Variants in CTPS1 observed in about 807,000 individuals in gnomAD.
The protein encoded by CTPS1 is CTP synthase 1.
In CTPS1, 25 loss-of-function variants were observed where a neutral mutation model predicts 80.5. The ratio of observed to expected loss-of-function variants is 0.31; its 90% CI spans 0.23 to 0.43. The LOEUF (loss-of-function observed/expected upper bound fraction) is 0.43. CTPS1 is among the 20% of genes least tolerant of loss of function. The probability of loss-of-function intolerance (pLI) is 1.00; values close to 1 mark genes in which losing one functional copy is unlikely to be tolerated. For synonymous variants in CTPS1, 267 were observed against 252.5 expected, an observed-to-expected ratio of 1.06 and a Z score of -0.54; for missense variants, 442 against 725.7, an observed-to-expected ratio of 0.61 and a Z score of 4.49.
chr1:40,981,647 C>G (rs1642299893), intron 1 of CTPS1, among the ~76,000 whole-genome samples: 1 of 152,164 alleles, frequency 6.6e-6, no homozygotes, highest in Non-Finnish European at 1.5e-5. Context: ...AGTTTACTTG[C>G]TAAACACTCC....
chr1:40,983,553 C>T, intron 2 of CTPS1, 97 bp downstream of exon 2: 1 of 1,005,840 alleles, frequency 9.9e-7, no homozygotes, highest in Non-Finnish European at 1.5e-6. Flanking sequence ...TATTTTCTGC[C>T]TTCTAACAGG....
At chr1:40,997,634 T>C (rs1485337974) in intron 9 of CTPS1, 108 bp downstream of exon 9, 1 of 1,323,270 alleles carries the variant, frequency 7.6e-7, no homozygotes, top group Non-Finnish European at 1.0e-6. Context: ...GAATTACTTT[T>C]TAAGGAATTA....
In CTPS1 at chr1:40,984,909, C is replaced by T. The variant is rs1256194306; in HGVS notation, c.255C>T (p.Asp85=). The part of the protein sequence containing the change: ...ERFLDIRLTK[D]NNLTTGKIYQ... Reference sequence around the variant, plus strand: ...TCCTTGACATCCGCCTCACCAAGGACAATAATCTGACCACTGGAAAGATAT... The same window carrying T: ...TCCTTGACATCCGCCTCACCAAGGATAATAATCTGACCACTGGAAAGATAT... The change falls in exon 3 of 19, where the codon GAC becomes GAT. Residue 85 remains aspartate, a synonymous_variant. Coordinates refer to ENST00000650070, the MANE Select transcript of CTPS1 (RefSeq NM_001905.4). 1.2e-6 allele frequency: 2 copies of T among 1,606,032 alleles called. No individual in the cohort carries two copies. Among genetic ancestry groups the T allele is most frequent in the Non-Finnish European group, 1.7e-6 (2 of 1,175,076 alleles).
chr1:40,992,757 C>T (rs895841399), intron 7 of CTPS1, among the ~76,000 whole-genome samples: 2 of 142,108 alleles, frequency 1.4e-5, no homozygotes, highest in African/African-American at 5.3e-5. Context: ...GTGGCGCGAT[C>T]TTTTTGGCTC....
At chr1:40,982,124 C>T (rs1570935539) in intron 1 of CTPS1, 8 of 550,348 alleles carry the variant, frequency 1.5e-5, no homozygotes, top group East Asian at 7.1e-5. Context: ...GAGCCTGTCA[C>T]GGTCTCCTCA....
intron 11 of CTPS1, 50 bp downstream of exon 11, chr1:41,002,304 G>T: frequency 6.8e-7 from 1 of 1,476,398 alleles, no homozygotes; most frequent in Non-Finnish European, 9.5e-7. Context: ...AAAGAGTGGG[G>T]AACGGTGCCA....
intron 10 of CTPS1, 106 bp from the exon 11 acceptor site, chr1:41,002,054 G>A: frequency 1.1e-6 from 1 of 923,316 alleles, no homozygotes; most frequent in East Asian, 2.4e-5. Context: ...CAATGTATGG[G>A]GTTAATTCAT....
intron 7 of CTPS1, among the ~76,000 whole-genome samples, chr1:40,995,174 G>A (rs1413524340): frequency 6.6e-6 from 1 of 152,074 alleles, no homozygotes; most frequent in Non-Finnish European, 1.5e-5. Flanking sequence ...TAGGTTCGTG[G>A]ACATGATTTT....
intron 12 of CTPS1, among the ~76,000 whole-genome samples, chr1:41,005,056 G>A (rs1474984127): frequency 6.6e-6 from 1 of 152,138 alleles, no homozygotes; most frequent in African/African-American, 2.4e-5. Context: ...TTGAATTCTG[G>A]AGGTGTAGGT....
intron 12 of CTPS1, among the ~76,000 whole-genome samples, chr1:41,005,438 G>A (rs1393413427): frequency 6.6e-6 from 1 of 151,362 alleles, no homozygotes; most frequent in Non-Finnish European, 1.5e-5. Flanking sequence ...TTGCCCACAA[G>A]TGTGAAATTC....
intron 17 of CTPS1, 112 bp downstream of exon 17, chr1:41,009,701 G>A: frequency 1.5e-6 from 2 of 1,327,822 alleles, no homozygotes; most frequent in Middle Eastern, 1.9e-4. Context: ...AAAGCCACAG[G>A]CGCCTGGGGT....
intron 6 of CTPS1, 50 bp downstream of exon 6, chr1:40,991,298 A>G (rs1489585293): frequency 4.4e-6 from 6 of 1,371,114 alleles, no homozygotes; most frequent in African/African-American, 2.9e-5. Flanking sequence ...TGTCTAGTTA[A>G]GATCACTCTA....
intron 3 of CTPS1, among the ~76,000 whole-genome samples, chr1:40,986,403 G>T (rs1416145019): frequency 6.6e-6 from 1 of 152,250 alleles, no homozygotes; most frequent in Admixed American, 6.5e-5. Flanking sequence ...GAGAGCGGGG[G>T]TGGTAGCCAC....
chr1:40,997,144 G>T (rs1001407352), intron 8 of CTPS1: 1 of 396,396 alleles, frequency 2.5e-6, no homozygotes, highest in Non-Finnish European at 4.5e-6. Flanking sequence ...TTTTGTGGGG[G>T]TTTTTTGAGG....
chr1:41,007,331 G>A lies in CTPS1; in HGVS notation c.1297-118G>A. The A allele has an allele frequency of 1.2e-6, 1 of 820,210 alleles. No individual in the cohort carries two copies. The highest frequency in any genetic ancestry group is 1.7e-5 in the African/African-American group (1 of 58,590). The allele number at this position is 820,210 out of a possible 1,614,324, so 50.8% of individuals were successfully genotyped here. ...TCTTCTGTGACAAAATGTCTCATAA[G>A]GAAAGCCTGGAGAATTAGAGCTTAC... is the stretch of plus-strand genomic sequence containing the variant. On this transcript the variant is annotated intron_variant, in intron 13 of 18. Transcript: ENST00000650070. This position sits in a 1 kb window ranked among gnomAD's most constrained non-coding sequence, Gnocchi z 4.4.
intron 7 of CTPS1, 148 bp from the exon 8 acceptor site, chr1:40,995,769 T>C: frequency 1.4e-6 from 1 of 717,770 alleles, no homozygotes; most frequent in Non-Finnish European, 2.2e-6. Flanking sequence ...TATTCTATTC[T>C]TGAGTCTGTT....
chr1:40,991,819 A>G lies in CTPS1; in HGVS notation c.694A>G (p.Met232Val). The change falls in exon 7 of 19, where the codon ATG becomes GTG. Residue 232 changes from methionine to valine, a missense_variant. Physicochemically the swap from Met to Val is conservative, Grantham distance 21 (BLOSUM62 1). Coordinates refer to ENST00000650070, the MANE Select transcript of CTPS1 (RefSeq NM_001905.4). Reference sequence around the variant, plus strand: ...CACATCAGTGAAGGAGAAAATATCAATGTTCTGCCATGTTGAGCCTGAACA... The same window carrying G: ...CACATCAGTGAAGGAGAAAATATCAGTGTTCTGCCATGTTGAGCCTGAACA... ...LDTSVKEKIS[M>V]FCHVEPEQVI... 3 of 1,614,062 alleles carry G rather than the reference A, an allele frequency of 1.9e-6. No individual in the cohort carries two copies. The highest frequency in any genetic ancestry group is 1.7e-6 in the Non-Finnish European group (2 of 1,179,910).
intron 7 of CTPS1, among the ~76,000 whole-genome samples, chr1:40,994,005 C>T (rs1642687360): frequency 6.6e-6 from 1 of 152,158 alleles, no homozygotes; most frequent in Non-Finnish European, 1.5e-5. Flanking sequence ...TTGCGAACTC[C>T]TGACCTCAGG....
chr1:41,002,352 A>C, intron 11 of CTPS1, 98 bp downstream of exon 11: 1 of 947,274 alleles, frequency 1.1e-6, no homozygotes, highest in Non-Finnish European at 1.7e-6. Context: ...GATTACTGAA[A>C]CATGCTGTCT....
Sources: allele counts gnomAD v4.1 joint callset (sites outside exome capture counted in the v4.1 genomes callset), GRCh38; gene constraint gnomAD v4.1.1; non-coding constraint Gnocchi (gnomAD v3.1); transcripts MANE v1.5; gene names NCBI Gene and HGNC (gene_info 2026-07-23, HGNC 2026-07-21).